Variants in CTNNA3 observed in about 807,000 individuals in gnomAD.
The protein encoded by CTNNA3 is catenin alpha-3.
Under a neutral mutation model 95.7 loss-of-function variants are expected in CTNNA3, and 76 were observed. That is an observed-to-expected ratio of 0.79 (90% CI 0.66 to 0.96). The LOEUF (loss-of-function observed/expected upper bound fraction) is 0.96, where lower values mean the gene tolerates loss of function less well. Among genes scored for constraint, CTNNA3 ranks in the 40% least tolerant of loss-of-function variants. The probability of loss-of-function intolerance (pLI) is 0.00; values close to 1 mark genes in which losing one functional copy is unlikely to be tolerated. For synonymous variants in CTNNA3, 431 were observed against 374.4 expected (o/e 1.15, Z -1.74); for missense variants, 1,191 against 1,089.8 (o/e 1.09, Z -1.31).
At chr10:66,732,670 C>T (rs529094876) in intron 9 of CTNNA3, among the ~76,000 whole-genome samples, 1 of 152,048 alleles carries the variant, frequency 6.6e-6, no homozygotes, top group African/African-American at 2.4e-5. Flanking sequence ...GGGGTAACTG[C>T]CCCCAAGATT....
chr10:66,792,310 G>C (rs1841003143), intron 7 of CTNNA3, among the ~76,000 whole-genome samples: 1 of 152,216 alleles, frequency 6.6e-6, no homozygotes, highest in South Asian at 2.1e-4. Context: ...TTTTCCATTT[G>C]TGATTCAGCA....
intron 5 of CTNNA3, among the ~76,000 whole-genome samples, chr10:67,399,922 A>AT (rs10718391): frequency 9.2e-5 from 14 of 151,746 alleles, no homozygotes; most frequent in African/African-American, 2.2e-4. Context: ...TTTAATTACA[A>AT]TTTTTTTTTA....
intron 3 of CTNNA3, among the ~76,000 whole-genome samples, chr10:67,600,355 G>A (rs1281869133): frequency 1.3e-5 from 2 of 150,950 alleles, no homozygotes; most frequent in African/African-American, 4.9e-5. Context: ...TACCCATAAA[G>A]GAACAAAATA....
intron 11 of CTNNA3, among the ~76,000 whole-genome samples, chr10:66,481,461 C>CTTTTTTT (rs148278459): frequency 1.0e-3 from 76 of 73,240 alleles, no homozygotes; most frequent in Non-Finnish European, 1.4e-3. Context: ...TCCCTTGTTT[C>CTTTTTTT]TTTTTTTTTT....
intron 13 of CTNNA3, among the ~76,000 whole-genome samples, chr10:66,153,744 T>G (rs2084329238): frequency 1.3e-5 from 2 of 152,024 alleles, no homozygotes; most frequent in Admixed American, 1.3e-4. Flanking sequence ...ACCTGCAGAC[T>G]GTCCTTACAC....
intron 5 of CTNNA3, among the ~76,000 whole-genome samples, chr10:67,512,441 G>A (rs1465544485): frequency 6.6e-6 from 1 of 152,174 alleles, no homozygotes; most frequent in African/African-American, 2.4e-5. Flanking sequence ...GCACTCTCAT[G>A]TTCATTGCAG....
intron 7 of CTNNA3, among the ~76,000 whole-genome samples, chr10:67,179,147 C>T (rs1020615106): frequency 6.6e-6 from 1 of 151,930 alleles, no homozygotes; most frequent in African/African-American, 2.4e-5. Context: ...AAAAGTCATA[C>T]CCTTTGTAAC....
chr10:67,655,140 A>G (rs1215560365), intron 1 of CTNNA3, among the ~76,000 whole-genome samples: 1 of 152,194 alleles, frequency 6.6e-6, no homozygotes, highest in Non-Finnish European at 1.5e-5. Flanking sequence ...CATAACACTA[A>G]CACATACACA....
At chr10:66,051,549 G>A (rs1452600456) in intron 15 of CTNNA3, among the ~76,000 whole-genome samples, 1 of 152,026 alleles carries the variant, frequency 6.6e-6, no homozygotes, top group African/African-American at 2.4e-5. Context: ...ACAATATGTT[G>A]GCAAACTTCA....
At chr10:66,374,486 AT>A (rs1037064039) in intron 12 of CTNNA3, among the ~76,000 whole-genome samples, 10 of 149,322 alleles carry the variant, frequency 6.7e-5, no homozygotes, top group South Asian at 4.3e-4. Context: ...TTGGGTTTTG[AT>A]TTTTTTTTCT....
intron 5 of CTNNA3, among the ~76,000 whole-genome samples, chr10:67,385,868 G>C (rs1479542219): frequency 1.3e-4 from 20 of 152,066 alleles, no homozygotes; most frequent in East Asian, 1.9e-4. Context: ...GGGAGTGTTG[G>C]AGGACAGCAG....
At chr10:67,273,986 TC>T (rs1467758250) in intron 5 of CTNNA3, among the ~76,000 whole-genome samples, 77 of 152,318 alleles carry the variant, frequency 5.1e-4, no homozygotes, top group Admixed American at 4.1e-3. Context: ...ATGTTTGTAT[TC>T]ATCAAAATGC....
chr10:66,826,951 T>C (rs2079956123), intron 7 of CTNNA3, among the ~76,000 whole-genome samples: 1 of 152,216 alleles, frequency 6.6e-6, no homozygotes, highest in African/African-American at 2.4e-5. Flanking sequence ...GACAGTGACA[T>C]GACTTGTGTG....
Position 67,180,504 on chromosome 10 carries a change from T to A in CTNNA3, c.860A>T (p.Asn287Ile). The change falls in exon 7 of 18, where the codon AAT (asparagine) becomes ATT (isoleucine). Residue 287 changes from asparagine to isoleucine, a missense_variant. Asn to Ile is a moderately radical substitution (Grantham distance 149, BLOSUM62 -3). Coordinates refer to ENST00000433211, the MANE Select transcript of CTNNA3 (RefSeq NM_013266.4). ...TTCCTCCTCAGTTACTGTGAGTGGA[T>A]TCAGGACAATTAAATTCTAAGAGAA... ...LDELENLIVL[N>I]PLTVTEEEIR... 3 of 1,613,312 alleles carry A rather than the reference T, an allele frequency of 1.9e-6. No individual in the cohort carries two copies. The highest frequency in any genetic ancestry group is 2.5e-6 in the Non-Finnish European group (3 of 1,179,330).
At chr10:67,658,618 AAC>A (rs1245828443) in intron 1 of CTNNA3, among the ~76,000 whole-genome samples, 2 of 152,226 alleles carry the variant, frequency 1.3e-5, no homozygotes, top group African/African-American at 4.8e-5. Flanking sequence ...TCTTAAAAAA[AAC>A]AAACAAACAC....
At chr10:65,946,402 A>T (rs79429536) in intron 17 of CTNNA3, among the ~76,000 whole-genome samples, 4,000 of 152,142 alleles carry the variant, frequency 0.026, 160 homozygotes, top group African/African-American at 0.091. Flanking sequence ...TATATCACTG[A>T]ATCTCTCTGT....
intron 15 of CTNNA3, among the ~76,000 whole-genome samples, chr10:66,046,490 A>G (rs867251413): frequency 6.6e-6 from 1 of 152,234 alleles, no homozygotes; most frequent in East Asian, 1.9e-4. Flanking sequence ...GGAAATTCAT[A>G]GCACTAAATG....
chr10:66,608,407 A>G (rs1322310340), intron 10 of CTNNA3, among the ~76,000 whole-genome samples: 4 of 152,160 alleles, frequency 2.6e-5, no homozygotes, highest in Non-Finnish European at 4.4e-5. Flanking sequence ...TATTCCTATT[A>G]AACTACCAAT....
chr10:66,024,085 ATTTTTT>A (rs71474007), intron 15 of CTNNA3, among the ~76,000 whole-genome samples: 9 of 87,748 alleles, frequency 1.0e-4, no homozygotes, highest in African/African-American at 2.6e-4. Context: ...TACCATACAC[ATTTTTT>A]TTTTTTTTTT....
Sources: allele counts gnomAD v4.1 joint callset (sites outside exome capture counted in the v4.1 genomes callset), GRCh38; gene constraint gnomAD v4.1.1; transcripts MANE v1.5; gene names NCBI Gene and HGNC (gene_info 2026-07-23, HGNC 2026-07-21).